Variants in PDE7B observed in about 807,000 individuals in gnomAD.
The protein encoded by PDE7B is 3',5'-cyclic-AMP phosphodiesterase 7B.
PDE7B carries 29 observed loss-of-function variants against 56.2 expected under a neutral mutation model. The ratio of observed to expected loss-of-function variants is 0.52; its 90% CI spans 0.38 to 0.70. The LOEUF (loss-of-function observed/expected upper bound fraction) is 0.70, where lower values mean the gene tolerates loss of function less well. Ranked by LOEUF, PDE7B falls within the 30% of genes least tolerant of loss-of-function variation. The pLI is 0.00. For synonymous variants in PDE7B, 197 were observed against 196.9 expected (o/e 1.00, Z 0.00); for missense variants, 490 against 565.0 (o/e 0.87, Z 1.35).
At chr6:135,894,482 T>C (rs527452360) in intron 1 of PDE7B, among the ~76,000 whole-genome samples, 1 of 152,222 alleles carries the variant, frequency 6.6e-6, no homozygotes, top group South Asian at 2.1e-4. Flanking sequence ...CCTGTTCCTA[T>C]TTTTCTTAAT....
At chr6:136,170,220 G>T (rs534969149) in intron 8 of PDE7B, among the ~76,000 whole-genome samples, 1 of 152,086 alleles carries the variant, frequency 6.6e-6, no homozygotes, top group South Asian at 2.1e-4. Context: ...GTTTTTAGCC[G>T]CACTTCTGAC....
chr6:136,151,540 C>T (rs1778512939), intron 6 of PDE7B, among the ~76,000 whole-genome samples: 1 of 152,154 alleles, frequency 6.6e-6, no homozygotes, highest in Non-Finnish European at 1.5e-5. Context: ...AACCTAACTA[C>T]TAATAGCTTA....
At chr6:136,084,130 T>C (rs1777249733) in intron 2 of PDE7B, among the ~76,000 whole-genome samples, 1 of 152,040 alleles carries the variant, frequency 6.6e-6, no homozygotes, top group South Asian at 2.1e-4. Context: ...ATTTCGATCA[T>C]TTCAATCCCT....
At chr6:135,919,864 ACT>A (rs985901326) in intron 1 of PDE7B, among the ~76,000 whole-genome samples, 46 of 152,100 alleles carry the variant, frequency 3.0e-4, no homozygotes, top group African/African-American at 1.1e-3. Context: ...CACTGAAGAA[ACT>A]CTGCCTCATC....
intron 11 of PDE7B, among the ~76,000 whole-genome samples, chr6:136,186,475 C>T (rs1259692194): frequency 1.3e-5 from 2 of 151,876 alleles, no homozygotes; most frequent in East Asian, 3.9e-4. Flanking sequence ...TTTTTTTCAC[C>T]TTCAGTTGCA....
chr6:136,022,528 TA>T (rs1414200541), intron 2 of PDE7B, among the ~76,000 whole-genome samples: 3 of 152,230 alleles, frequency 2.0e-5, no homozygotes, highest in Admixed American at 2.0e-4. Context: ...ACCTATTTAT[TA>T]TTGCTTCTGT....
At chr6:136,177,561 T>G (rs898562752) in intron 9 of PDE7B, among the ~76,000 whole-genome samples, 13 of 152,116 alleles carry the variant, frequency 8.5e-5, no homozygotes, top group Non-Finnish European at 1.5e-5. Flanking sequence ...GCCTCATTAG[T>G]AAACAAAATT....
Position 136,181,331 on chromosome 6 carries a change from G to A in PDE7B, c.1045+8G>A. On this transcript the variant is annotated splice_region_variant and intron_variant, in intron 11 of 12. Transcript: ENST00000308191. ...AAGAATTCTACAGGCAAGGTTAGTA[G>A]TGATCCAACAGCTGAGATTTCATTG... 4 of 1,533,652 alleles carry A rather than the reference G, an allele frequency of 2.6e-6. No homozygotes were observed. Among genetic ancestry groups the A allele is most frequent in the Non-Finnish European group, 3.6e-6 (4 of 1,106,602 alleles).
At chr6:136,115,165 T>C (rs141260824) in intron 3 of PDE7B, among the ~76,000 whole-genome samples, 307 of 152,274 alleles carry the variant, frequency 2.0e-3, no homozygotes, top group African/African-American at 7.0e-3. Flanking sequence ...TATTTACAAA[T>C]ACATTTTGAT....
At chr6:135,876,341 G>A (rs1332063973) in intron 1 of PDE7B, among the ~76,000 whole-genome samples, 12 of 152,160 alleles carry the variant, frequency 7.9e-5, no homozygotes, top group Admixed American at 7.9e-4. Flanking sequence ...TCCCCTTTAA[G>A]AGGAGAGCTG....
At chr6:136,177,795 A>G (rs890062771) in intron 9 of PDE7B, among the ~76,000 whole-genome samples, 2 of 152,234 alleles carry the variant, frequency 1.3e-5, no homozygotes, top group African/African-American at 4.8e-5. Context: ...ACTTCTGCAC[A>G]TGCGTAACTA....
At chr6:135,888,013 ATCT>A (rs1201989913) in intron 1 of PDE7B, among the ~76,000 whole-genome samples, 1 of 152,110 alleles carries the variant, frequency 6.6e-6, no homozygotes, top group Non-Finnish European at 1.5e-5. Flanking sequence ...TATTTACATC[ATCT>A]TTCATCTTGC....
intron 3 of PDE7B, among the ~76,000 whole-genome samples, chr6:136,146,500 T>A (rs953864123): frequency 6.6e-6 from 1 of 152,324 alleles, no homozygotes; most frequent in African/African-American, 2.4e-5. Context: ...AAGTAAACAC[T>A]CTCTGCTTCT....
chr6:135,865,830 C>T (rs749038735), intron 1 of PDE7B, among the ~76,000 whole-genome samples: 1 of 152,020 alleles, frequency 6.6e-6, no homozygotes, highest in African/African-American at 2.4e-5. Flanking sequence ...AAGTGGTTGG[C>T]ACTTAATAAG....
chr6:135,981,046 A>G (rs1436306668), intron 2 of PDE7B, among the ~76,000 whole-genome samples: 1 of 149,164 alleles, frequency 6.7e-6, no homozygotes, highest in Non-Finnish European at 1.5e-5. Flanking sequence ...AATGTCCAAC[A>G]ATGATAGACT....
At chr6:135,959,767 TAAA>T (rs34520299) in intron 2 of PDE7B, among the ~76,000 whole-genome samples, 2,030 of 149,412 alleles carry the variant, frequency 0.014, 47 homozygotes, top group African/African-American at 0.048. Flanking sequence ...AGTCTTTTCT[TAAA>T]AAAAAAAAGT....
At position 136,181,298 on chromosome 6, in the gene PDE7B, G is replaced by T. The variant is rs770879315; in HGVS notation, c.1020G>T (p.Arg340Ser). 1.9e-6 allele frequency: 3 copies of T among 1,611,784 alleles called. No individual in the cohort carries two copies. The highest frequency in any genetic ancestry group is 8.5e-7 in the Non-Finnish European group (1 of 1,177,922). The change falls in exon 11 of 13, where the codon AGG (arginine) becomes AGT (serine). Residue 340 changes from arginine (R) to serine (S), a missense_variant. Coordinates refer to ENST00000308191, the MANE Select transcript of PDE7B (RefSeq NM_018945.4). ...AGATGAGCAAGCAGTGGAGTGAAAG[G>T]GTCTGTGAAGAATTCTACAGGCAAG... Reference protein sequence around the residue: ...IWEMSKQWSERVCEEFYRQGE... With the variant: ...IWEMSKQWSESVCEEFYRQGE...
At chr6:135,855,489 G>A (rs954313792) in intron 1 of PDE7B, among the ~76,000 whole-genome samples, 2 of 152,022 alleles carry the variant, frequency 1.3e-5, no homozygotes, top group Admixed American at 1.3e-4. Flanking sequence ...AAAATAAATT[G>A]TATTTCTATT....
intron 8 of PDE7B, among the ~76,000 whole-genome samples, chr6:136,158,317 A>G (rs1476846477): frequency 6.6e-6 from 1 of 152,186 alleles, no homozygotes; most frequent in Non-Finnish European, 1.5e-5. Context: ...GATTCTGAAA[A>G]TGTTAAGAAC....
Sources: allele counts gnomAD v4.1 joint callset (sites outside exome capture counted in the v4.1 genomes callset), GRCh38; gene constraint gnomAD v4.1.1; transcripts MANE v1.5; gene names NCBI Gene and HGNC (gene_info 2026-07-23, HGNC 2026-07-21).